Variants in EPG5 observed in about 807,000 individuals in gnomAD.
The protein encoded by EPG5 is ectopic P granules protein 5 homolog.
EPG5 carries 159 observed loss-of-function variants against 302.7 expected under a neutral mutation model. The ratio of observed to expected loss-of-function variants is 0.53; its 90% confidence interval spans 0.46 to 0.60. EPG5 has a LOEUF of 0.60. Among genes scored for constraint, EPG5 ranks in the 20% least tolerant of loss-of-function variants. EPG5 has a pLI of 0.00. For missense variants in EPG5, 2,896 were observed against 3,092.4 expected (o/e 0.94, Z 1.51); for synonymous variants, 1,158 against 1,136.8 (o/e 1.02, Z -0.37).
rs187638992 is a variant in EPG5, at chr18:45,935,534, C to T, written c.2100-568G>A. ...TCCAGCCTGGGCAACACGAGTGAAACTCCAACTCAAAAATAATAAGTATTA... is the reference window on the plus strand; with the variant it reads ...TCCAGCCTGGGCAACACGAGTGAAATTCCAACTCAAAAATAATAAGTATTA... On this transcript the variant is annotated intron_variant, in intron 10 of 43. Coordinates refer to ENST00000282041, the MANE Select transcript of EPG5 (RefSeq NM_020964.3). 1.2e-3 allele frequency among the ~76,000 whole-genome samples: 181 copies of T among 152,276 alleles called. 5 individuals are homozygous for T. The highest frequency in any genetic ancestry group is 1.3e-3 in the Non-Finnish European group (90 of 68,030).
intron 29 of EPG5, among the ~76,000 whole-genome samples, chr18:45,885,176 T>A (rs1308092480): frequency 6.6e-6 from 1 of 151,892 alleles, no homozygotes; most frequent in African/African-American, 2.4e-5. Context: ...CCGTCTCTAC[T>A]AAAAATACAA....
In EPG5 at chr18:45,946,732, G is replaced by T. The variant is rs527293119; in HGVS notation, c.1608C>A (p.Ser536Arg). The T allele has an allele frequency of 1.9e-6, 3 of 1,614,126 alleles. No homozygotes were observed. Among genetic ancestry groups the T allele is most frequent in the South Asian group, 2.2e-5 (2 of 91,080 alleles). Residue 536 changes from serine to arginine, a missense_variant, in exon 7 of 44, where the codon AGC (serine) becomes AGA (arginine). Ser to Arg is a moderately radical substitution (Grantham distance 110, BLOSUM62 -1). This residue lies in a region of EPG5 where 1,390 missense variants were observed against 1,430.0 expected (regional missense o/e 0.97). Transcript: ENST00000282041. ...GCCCTGAGGAGGATGGCTTCCGCTC[G>T]CTGGGCTTCATGTGGCACATAAACT... ...RAEFMCHMKP[S>R]ERKPSSSGPG...
chr18:45,942,618 T>A (rs946182614), intron 9 of EPG5, among the ~76,000 whole-genome samples: 3 of 151,790 alleles, frequency 2.0e-5, no homozygotes, highest in Non-Finnish European at 2.9e-5. Context: ...AATAAAAAAA[T>A]AAAATAAATG....
chr18:45,901,394 C>T (rs1482784703), intron 25 of EPG5, among the ~76,000 whole-genome samples: 2 of 151,970 alleles, frequency 1.3e-5, no homozygotes, highest in African/African-American at 2.4e-5. Flanking sequence ...TAGTGCCTTA[C>T]GCTAATATCA....
intron 36 of EPG5, among the ~76,000 whole-genome samples, chr18:45,870,342 G>A (rs2048842217): frequency 6.6e-6 from 1 of 152,034 alleles, no homozygotes; most frequent in Non-Finnish European, 1.5e-5. Context: ...ACATATTATA[G>A]ATAAAATCTT....
intron 23 of EPG5, among the ~76,000 whole-genome samples, chr18:45,909,300 A>AGGG (rs1473303231): frequency 3.9e-5 from 6 of 152,232 alleles, no homozygotes; most frequent in Admixed American, 1.3e-4. Flanking sequence ...CAGAGGCAGA[A>AGGG]AGGAATATCA....
Position 45,954,503 on chromosome 18 carries a change from C to T in EPG5, c.899G>A (p.Cys300Tyr), listed in dbSNP as rs775251241. Residue 300 changes from cysteine to tyrosine, a missense_variant, in exon 2 of 44, where the codon TGT (cysteine) becomes TAT (tyrosine). Cys to Tyr is a radical substitution (Grantham distance 194). Around this residue, in one of 5 missense-constraint regions of EPG5, gnomAD observed 1,390 missense variants for 1,430.0 expected, o/e 0.97. Transcript: ENST00000282041. ...FYELLLNYSR[C>Y]RKQLLLAEAE... ...TTCAGCCAGCAGCAGTTGCTTCCTA[C>T]ATCGTGAGTAGTTCAAAAGCAACTC... 2 of 1,614,140 alleles carry T rather than the reference C, an allele frequency of 1.2e-6. No individual in the cohort carries two copies. Among genetic ancestry groups the T allele is most frequent in the South Asian group, 1.1e-5 (1 of 91,094 alleles).
intron 1 of EPG5, among the ~76,000 whole-genome samples, chr18:45,964,393 G>A (rs749920681): frequency 3.9e-5 from 6 of 152,150 alleles, no homozygotes; most frequent in Non-Finnish European, 7.3e-5. Flanking sequence ...ATCCCCGGAG[G>A]CTTTAGTTTC....
At chr18:45,938,712 T>A (rs990072390) in intron 10 of EPG5, among the ~76,000 whole-genome samples, 3 of 152,166 alleles carry the variant, frequency 2.0e-5, no homozygotes, top group Non-Finnish European at 2.9e-5. Flanking sequence ...ATCCATGAGG[T>A]TAATGGAACA....
intron 25 of EPG5, among the ~76,000 whole-genome samples, chr18:45,903,550 A>G (rs1184499621): frequency 6.6e-6 from 1 of 152,230 alleles, no homozygotes; most frequent in East Asian, 1.9e-4. Context: ...TTTGAAATAT[A>G]GTCAGTAATT....
chr18:45,840,332 A>T, the EPG5 span: 2 of 1,430,320 alleles, frequency 1.4e-6, no homozygotes, highest in Admixed American at 4.0e-5. Context: ...AATAAATGGC[A>T]AAGGGCTGGG....
intron 24 of EPG5, among the ~76,000 whole-genome samples, chr18:45,904,559 T>C (rs947382281): frequency 6.6e-6 from 1 of 152,132 alleles, no homozygotes; most frequent in African/African-American, 2.4e-5. Context: ...ACCGTGAAGA[T>C]ACAATTAGCA....
At chr18:45,803,368 C>G in the EPG5 span, among the ~76,000 whole-genome samples, 1 of 152,136 alleles carries the variant, frequency 6.6e-6, no homozygotes, top group Non-Finnish European at 1.5e-5. Flanking sequence ...CAAAATCTAT[C>G]TGAAGGCCCT....
Position 45,932,051 on chromosome 18 carries a change from T to C in EPG5, c.2258-1221A>G, listed in dbSNP as rs1251664052. On this transcript the variant is annotated intron_variant, in intron 11 of 43. Coordinates refer to ENST00000282041, the MANE Select transcript of EPG5 (RefSeq NM_020964.3). Reference sequence around the variant, plus strand: ...TTCATTTTCCATCTCCAAATTGGATTTATAGTGGAAATTATTACACAAAGT... The same window carrying C: ...TTCATTTTCCATCTCCAAATTGGATCTATAGTGGAAATTATTACACAAAGT... 2.0e-5 allele frequency among the ~76,000 whole-genome samples: 3 copies of C among 151,990 alleles called. 1 individual carries two copies. The Middle Eastern group carries it at 9.5e-3, about 481-fold the overall frequency.
At position 45,915,636 on chromosome 18, in the gene EPG5, G is replaced by A; in HGVS notation, c.3583-15C>T. On this transcript the variant is annotated splice_polypyrimidine_tract_variant and intron_variant, in intron 19 of 43. Coordinates refer to ENST00000282041, the MANE Select transcript of EPG5 (RefSeq NM_020964.3). ...CCCAAGGCATTCTACACCGGGAGAT[G>A]TGGAGCAGAGAGAGGAGGTTTTAAG... The A allele has an allele frequency of 6.3e-7, 1 of 1,595,198 alleles. No homozygotes were observed. Among genetic ancestry groups the A allele is most frequent in the Non-Finnish European group, 8.6e-7 (1 of 1,163,232 alleles).
intron 4 of EPG5, among the ~76,000 whole-genome samples, chr18:45,950,214 G>A (rs963322164): frequency 5.3e-5 from 8 of 151,994 alleles, no homozygotes; most frequent in East Asian, 1.9e-4. Flanking sequence ...AGATTTTTTC[G>A]GATTTTGGAA....
the EPG5 span, among the ~76,000 whole-genome samples, chr18:45,809,447 T>C: frequency 6.6e-6 from 1 of 152,088 alleles, no homozygotes; most frequent in East Asian, 1.9e-4. Flanking sequence ...TGGAACCTTC[T>C]CCAAGATAGA....
In EPG5 at chr18:45,870,749, T is replaced by C. The variant is rs758098649; in HGVS notation, c.6050-7A>G. The C allele has an allele frequency of 1.3e-6, 2 of 1,563,770 alleles. No homozygotes were observed. The highest frequency in any genetic ancestry group is 2.3e-5 in the East Asian group (1 of 44,026). ...TCACCTGGCAACAGCTTATCTAGAATGTGAAAAGAAAATAGAGCTGAAGAC... is the reference window on the plus strand; with the variant it reads ...TCACCTGGCAACAGCTTATCTAGAACGTGAAAAGAAAATAGAGCTGAAGAC... On this transcript the variant is annotated splice_polypyrimidine_tract_variant and splice_region_variant and intron_variant, in intron 35 of 43. Coordinates refer to ENST00000282041, the MANE Select transcript of EPG5 (RefSeq NM_020964.3).
intron 21 of EPG5, among the ~76,000 whole-genome samples, chr18:45,912,748 C>G (rs1453551492): frequency 1.3e-5 from 2 of 152,098 alleles, no homozygotes; most frequent in Admixed American, 6.6e-5. Flanking sequence ...TCTGAAATTC[C>G]TTGGCGAATA....
Sources: allele counts gnomAD v4.1 joint callset (sites outside exome capture counted in the v4.1 genomes callset), GRCh38; gene constraint gnomAD v4.1.1; regional missense constraint gnomAD v4.1.1; transcripts MANE v1.5; gene names NCBI Gene and HGNC (gene_info 2026-07-23, HGNC 2026-07-21).